Variants in TTN observed in about 807,000 individuals in gnomAD.
TTN encodes connectin.
Under a neutral mutation model 3,223.0 loss-of-function variants are expected in TTN, and 1,525 were observed. The observed-to-expected ratio is 0.47, with a 90% confidence interval of 0.45 to 0.49. The LOEUF (loss-of-function observed/expected upper bound fraction) is 0.49, where lower values mean the gene tolerates loss of function less well. Ranked by LOEUF, TTN falls within the 20% of genes least tolerant of loss-of-function variation. TTN has a pLI of 0.00. For synonymous variants in TTN, 14,094 were observed against 15,161.0 expected (o/e 0.93, Z 5.17); for missense variants, 40,786 against 43,424.0 (o/e 0.94, Z 5.40).
chr2:178,535,246 A>T lies in TTN; in HGVS notation c.101369T>A (p.Met33790Lys), dbSNP rs876658097. The T allele has an allele frequency of 6.8e-6, 11 of 1,613,916 alleles. No homozygotes were observed. Among genetic ancestry groups the T allele is most frequent in the Admixed American group, 1.7e-5 (1 of 60,010 alleles). The change falls in exon 358 of 363, where the codon ATG becomes AAG. Residue 33790 changes from methionine (M) to lysine (K), a missense_variant. Transcript: ENST00000589042. Reference sequence around the variant, plus strand: ...TTCATCTACCTCTTCATCATAGTTCATAGCTCTGGTCTTATCTTCTTTGGT... The same window carrying T: ...TTCATCTACCTCTTCATCATAGTTCTTAGCTCTGGTCTTATCTTCTTTGGT... ...TITKEDKTRA[M>K]NYDEEVDETR...
At chr2:178,678,259 G>C (rs2068544675) in intron 144 of TTN, 51 bp from the exon 145 acceptor site, 6 of 1,557,414 alleles carry the variant, frequency 3.9e-6, no homozygotes, top group Non-Finnish European at 5.2e-6. Context: ...AAATGTCTTA[G>C]AGCAATAGAT....
chr2:178,747,452 T>C (rs2083991712), intron 47 of TTN: 1 of 1,613,380 alleles, frequency 6.2e-7, no homozygotes, highest in Non-Finnish European at 8.5e-7. Flanking sequence ...CTGATCTAAC[T>C]CAGATATTTC....
At chr2:178,701,494 C>A in intron 110 of TTN, 34 bp downstream of exon 110, 1 of 1,599,280 alleles carries the variant, frequency 6.3e-7, no homozygotes, top group Non-Finnish European at 8.5e-7. Context: ...AATATTGCTG[C>A]TCCAAGCTCA....
chr2:178,739,039 A>G, intron 48 of TTN, 102 bp downstream of exon 48: 1 of 1,338,972 alleles, frequency 7.5e-7, no homozygotes, highest in South Asian at 1.9e-5. Context: ...AATAAATTAC[A>G]TTCTGGAAGT....
chr2:178,604,407 G>T, intron 281 of TTN, 102 bp from the exon 282 acceptor site: 1 of 981,144 alleles, frequency 1.0e-6, no homozygotes, highest in Non-Finnish European at 1.4e-6. Flanking sequence ...ACTGTAAGAA[G>T]AAATAAATAT....
rs1232358158 is a variant in TTN, at chr2:178,591,999, T to C, written c.59905A>G (p.Ile19969Val). ...TTACGGAGAGGATCCAAAGCCTTGA[T>C]TGGTTTTGGTGTTTCAACAAAAGGA... Reference protein sequence around the residue: ...RGPFVETPKPIKALDPLHPPG... With the variant: ...RGPFVETPKPVKALDPLHPPG... The change falls in exon 302 of 363, where the codon ATC becomes GTC. Residue 19969 changes from isoleucine (I) to valine (V), a missense_variant. Coordinates refer to ENST00000589042, the MANE Select transcript of TTN (RefSeq NM_001267550.2). 5 of 1,612,790 alleles carry C rather than the reference T, an allele frequency of 3.1e-6. No individual in the cohort carries two copies. Among genetic ancestry groups the C allele is most frequent in the Admixed American group, 1.7e-5 (1 of 59,872 alleles).
chr2:178,713,844 T>C (rs2077064278), intron 92 of TTN, 53 bp downstream of exon 92: 1 of 1,581,462 alleles, frequency 6.3e-7, no homozygotes, highest in South Asian at 1.2e-5. Flanking sequence ...TTTATGAAAA[T>C]CAGGAACTAC....
At chr2:178,541,786 A>T in intron 349 of TTN, 2 of 315,382 alleles carry the variant, frequency 6.3e-6, no homozygotes, top group Non-Finnish European at 1.0e-5. Flanking sequence ...TTTATTAAAA[A>T]TTTTTGACTT....
rs1691995704 is a variant in TTN at position 178,537,198 on chromosome 2, A to G, written c.99911T>C (p.Leu33304Ser). 6.2e-7 allele frequency: 1 copy of G among 1,611,810 alleles called. No individual in the cohort carries two copies. Among genetic ancestry groups the G allele is most frequent in the East Asian group, 2.2e-5 (1 of 44,824 alleles). The change falls in exon 356 of 363, where the codon TTG becomes TCG. Residue 33304 changes from leucine (L) to serine (S), a missense_variant. Leu to Ser is a moderately radical substitution (Grantham distance 145). Coordinates refer to ENST00000589042, the MANE Select transcript of TTN (RefSeq NM_001267550.2). ...CCAGCTGATCACTGCGGAGTTCTTC[A>G]ATAGAGCTTCGATCACAATTGGTCC... ...PTGPIVIEAL[L>S]KNSAVISWKP...
intron 164 of TTN, 110 bp from the exon 165 acceptor site, chr2:178,665,570 G>T: frequency 7.4e-7 from 1 of 1,353,834 alleles, no homozygotes. Flanking sequence ...TTCCTTTAAA[G>T]AATCTGAGGA....
Position 178,652,171 on chromosome 2 carries a change from C to G in TTN, c.39220G>C (p.Val13074Leu). 6.2e-7 allele frequency: 1 copy of G among 1,612,086 alleles called. No individual in the cohort carries two copies. The highest frequency in any genetic ancestry group is 8.5e-7 in the Non-Finnish European group (1 of 1,179,592). Residue 13074 changes from valine to leucine, a missense_variant, in exon 204 of 363, where the codon GTG (valine) becomes CTG (leucine). Coordinates refer to ENST00000589042, the MANE Select transcript of TTN (RefSeq NM_001267550.2). ...PEVPPTKVPE[V>L]PKVAVPEKKV... The stretch of plus-strand genomic sequence containing the variant: ...TTTTCTGGGACAGCTACCTTTGGCA[C>G]CTCTGGGACTTTAAAAGATATTATT...
chr2:178,548,099 A>G lies in TTN; in HGVS notation c.93527T>C (p.Leu31176Pro), dbSNP rs773083742. Reference sequence around the variant, plus strand: ...GAATTCATATTCAGTTTTCTCAACAAGACGCTCTACTGTGAAAGTTAGCTG... The same window carrying G: ...GAATTCATATTCAGTTTTCTCAACAGGACGCTCTACTGTGAAAGTTAGCTG... The part of the protein sequence containing the change: ...TKQLTFTVER[L>P]VEKTEYEFRV... The change falls in exon 339 of 363, where the codon CTT (leucine) becomes CCT (proline). Residue 31176 changes from leucine (L) to proline (P), a missense_variant. Physicochemically the swap from Leu to Pro is moderately conservative, Grantham distance 98. Coordinates refer to ENST00000589042, the MANE Select transcript of TTN (RefSeq NM_001267550.2). This position sits in a 1 kb window ranked among gnomAD's most constrained non-coding sequence, Gnocchi z 4.3. The G allele has an allele frequency of 3.1e-6, 5 of 1,613,768 alleles. No homozygotes were observed. Among genetic ancestry groups the G allele is most frequent in the African/African-American group, 2.7e-5 (2 of 74,924 alleles).
chr2:178,620,153 G>T (rs1365349739), intron 248 of TTN, 41 bp from the exon 249 acceptor site: 1 of 1,592,988 alleles, frequency 6.3e-7, no homozygotes, highest in East Asian at 2.2e-5. Context: ...TGCAATGATG[G>T]CCACTAAATT....
In TTN at chr2:178,570,108, C is replaced by G. The variant is rs762672000; in HGVS notation, c.76024G>C (p.Glu25342Gln). Residue 25342 changes from glutamate (E) to glutamine (Q), a missense_variant, in exon 326 of 363, where the codon GAG (glutamate) becomes CAG (glutamine). Glu to Gln is a conservative substitution (Grantham distance 29, BLOSUM62 2). Coordinates refer to ENST00000589042, the MANE Select transcript of TTN (RefSeq NM_001267550.2). ...GGSEILGYVL[E>Q]KRDKEGIRWT... ...CTAATGCCTTCTTTATCCCGTTTCT[C>G]AAGAACATATCCAAGAATTTCACTA... 3 of 1,613,296 alleles carry G rather than the reference C, an allele frequency of 1.9e-6. No individual in the cohort carries two copies. Among genetic ancestry groups the G allele is most frequent in the Non-Finnish European group, 2.5e-6 (3 of 1,179,594 alleles).
At chr2:178,679,719 A>G in intron 140 of TTN, 37 bp from the exon 141 acceptor site, 1 of 1,576,096 alleles carries the variant, frequency 6.3e-7, no homozygotes, top group Non-Finnish European at 8.6e-7. Context: ...GAAATTTTGC[A>G]GGAAAGAAAT....
chr2:178,751,808 G>A, intron 47 of TTN: 3 of 1,612,918 alleles, frequency 1.9e-6, no homozygotes, highest in Non-Finnish European at 2.5e-6. Flanking sequence ...TTCTGGAGTT[G>A]GACAGGCAAT....
rs1462921330 is a variant in TTN, at chr2:178,529,112, A to G, written c.106639T>C (p.Ser35547Pro). 1.9e-6 allele frequency: 3 copies of G among 1,594,088 alleles called. No homozygotes were observed. Among genetic ancestry groups the G allele is most frequent in the Non-Finnish European group, 2.6e-6 (3 of 1,171,772 alleles). The stretch of plus-strand genomic sequence containing the variant: ...GCCTCTGACATCTTAATTTCTTCAG[A>G]CCTTAGGGCTTTTTGGGAAATTTCC... ...QEEISQKALR[S>P]EEIKMSEAKS... Residue 35547 changes from serine (S) to proline (P), a missense_variant, in exon 360 of 363, where the codon TCT becomes CCT. Coordinates refer to ENST00000589042, the MANE Select transcript of TTN (RefSeq NM_001267550.2).
In TTN at chr2:178,650,753, T is replaced by C; in HGVS notation, c.39707A>G (p.Glu13236Gly). The C allele has an allele frequency of 1.2e-6, 2 of 1,601,848 alleles. No homozygotes were observed. The highest frequency in any genetic ancestry group is 2.3e-5 in the South Asian group (2 of 88,542). The change falls in exon 209 of 363, where the codon GAA (glutamate) becomes GGA (glycine). Residue 13236 changes from glutamate (E) to glycine (G), a missense_variant and splice_region_variant. Coordinates refer to ENST00000589042, the MANE Select transcript of TTN (RefSeq NM_001267550.2). ...VPERAESPPP[E>G]VYEEPEEIAP... Reference sequence around the variant, plus strand: ...TTAATCACCGGTCTCACGTGTACCTTCTGGGGGAGGAGACTCCGCTCTTTC... The same window carrying C: ...TTAATCACCGGTCTCACGTGTACCTCCTGGGGGAGGAGACTCCGCTCTTTC...
At chr2:178,744,330 T>G (rs192141861) in intron 47 of TTN, 277 of 958,014 alleles carry the variant, frequency 2.9e-4, no homozygotes, top group East Asian at 4.6e-4. Flanking sequence ...GAATAATTAC[T>G]ATTAGCTTAA....
Sources: allele counts gnomAD v4.1 joint callset, GRCh38; gene constraint gnomAD v4.1.1; non-coding constraint Gnocchi (gnomAD v3.1); transcripts MANE v1.5; gene names NCBI Gene and HGNC (gene_info 2026-07-23, HGNC 2026-07-21).